CEP290: variants seen among roughly 807,000 people sequenced by gnomAD.
The protein encoded by CEP290 is centrosomal protein of 290 kDa.
A neutral mutation model predicts 344.9 loss-of-function variants in CEP290; 317 were observed. The observed-to-expected ratio is 0.92, with a 90% CI of 0.84 to 1.01. CEP290 has a LOEUF of 1.01. Among genes scored for constraint, CEP290 ranks in the 50% least tolerant of loss-of-function variants. The probability of loss-of-function intolerance (pLI) is 0.00; values close to 1 mark genes in which losing one functional copy is unlikely to be tolerated. For synonymous variants in CEP290, 932 were observed against 895.8 expected, an observed-to-expected ratio of 1.04 and a Z score of -0.72; for missense variants, 2,754 against 2,761.4, an observed-to-expected ratio of 1.00 and a Z score of 0.06.
intron 17 of CEP290, among the ~76,000 whole-genome samples, chr12:88,117,521 A>G (rs1302395512): frequency 2.0e-5 from 3 of 152,206 alleles, no homozygotes; most frequent in Non-Finnish European, 4.4e-5. Context: ...GATGTATTAT[A>G]GAAATCATAA....
rs1410113515 is a variant in CEP290 at position 88,121,067 on chromosome 12, G to T, written c.1289C>A (p.Ala430Asp). 1 of 1,613,464 alleles carries T rather than the reference G, an allele frequency of 6.2e-7. No homozygotes were observed. The highest frequency in any genetic ancestry group is 8.5e-7 in the Non-Finnish European group (1 of 1,179,674). ...TKEAERTAELAEADAREKDKE... is the reference protein window; with the variant it reads ...TKEAERTAELDEADAREKDKE... ...ATCCTTTTCCCTAGCATCAGCCTCA[G>T]CCAGTTCAGCTGTTCTCTCAGCCTC... The change falls in exon 14 of 54, where the codon GCT becomes GAT. Residue 430 changes from alanine (A) to aspartate (D), a missense_variant. Ala to Asp is a moderately radical substitution (Grantham distance 126, BLOSUM62 -2). Coordinates refer to ENST00000552810, the MANE Select transcript of CEP290 (RefSeq NM_025114.4).
At position 88,129,047 on chromosome 12, in the gene CEP290, A is replaced by T; in HGVS notation, c.853-12T>A. The stretch of plus-strand genomic sequence containing the variant: ...GTAAGCTCCTGCACCTAAAAGACAA[A>T]GTTATTTCAAGAGTTGTTGCAAACT... On this transcript the variant is annotated splice_polypyrimidine_tract_variant and intron_variant, in intron 10 of 53. Coordinates refer to ENST00000552810, the MANE Select transcript of CEP290 (RefSeq NM_025114.4). The T allele has an allele frequency of 1.3e-6, 1 of 785,832 alleles. No individual in the cohort carries two copies. 48.7% of individuals were successfully genotyped at this position (785,832 alleles called of 1,614,324 possible).
chr12:88,127,116 A>C (rs1418548239), intron 11 of CEP290, among the ~76,000 whole-genome samples: 1 of 152,286 alleles, frequency 6.6e-6, no homozygotes, highest in Non-Finnish European at 1.5e-5. Context: ...AATCAATAAA[A>C]GATGTTTGGA....
chr12:88,113,325 T>A (rs1413887744), intron 20 of CEP290, among the ~76,000 whole-genome samples: 1 of 151,928 alleles, frequency 6.6e-6, no homozygotes, highest in African/African-American at 2.4e-5. Context: ...AAAAAAAGCA[T>A]AAAGAATCAT....
intron 28 of CEP290, 112 bp from the exon 29 acceptor site, chr12:88,092,944 T>A: frequency 1.1e-6 from 1 of 941,452 alleles, no homozygotes; most frequent in Non-Finnish European, 1.6e-6. Context: ...AGTTCACATA[T>A]TATATTAAGT....
intron 29 of CEP290, among the ~76,000 whole-genome samples, chr12:88,092,005 C>G (rs535801885): frequency 6.6e-6 from 1 of 152,022 alleles, no homozygotes; most frequent in Non-Finnish European, 1.5e-5. Flanking sequence ...CTCCACCTCC[C>G]GGGATCAAGC....
chr12:88,070,799 C>A (rs1765040669), intron 43 of CEP290, among the ~76,000 whole-genome samples: 1 of 151,994 alleles, frequency 6.6e-6, no homozygotes, highest in Non-Finnish European at 1.5e-5. Context: ...AAGAAAGGGA[C>A]CCTATAAAGT....
In CEP290 at chr12:88,087,857, TTA is replaced by T. The variant is rs62640582; in HGVS notation, c.4115_4116del (p.Ile1372LysfsTer5). 9 of 1,265,650 alleles carry T rather than the reference TTA, an allele frequency of 7.1e-6. No homozygotes were observed. Among genetic ancestry groups the T allele is most frequent in the Non-Finnish European group, 9.1e-6 (9 of 985,150 alleles). The allele number at this position is 1,265,650 out of a possible 1,614,324, so 78.4% of individuals were successfully genotyped here. A position where few individuals can be genotyped will look rare whatever the true frequency, so the allele number is the denominator to read the frequency against. ...NRELVKDKEE[I>X]KYLNNIISEY... ...TCAGAAATTATGTTATTCAAATATT[TTA>T]TTTCTTCTTTATCCTTGACTAATTC... On this transcript the variant is annotated frameshift_variant, in exon 32 of 54. Coordinates refer to ENST00000552810, the MANE Select transcript of CEP290 (RefSeq NM_025114.4). LOFTEE classifies it high-confidence loss of function.
Position 88,089,094 on chromosome 12 carries a change from A to G in CEP290, c.3967T>C (p.Leu1323=), listed in dbSNP as rs1433273506. 6.5e-7 allele frequency: 1 copy of G among 1,545,820 alleles called. No homozygotes were observed. Among genetic ancestry groups the G allele is most frequent in the Admixed American group, 2.1e-5 (1 of 48,654 alleles). ...AACTCTTCCAGGCCCTTTAATTTTA[A>G]TTCCATCTCCAATGTTTTGTTCTCC... ...NMENKTLEME[L]KLKGLEELIS... is the part of the protein sequence containing the mutation. Residue 1323 remains leucine, a synonymous_variant, in exon 31 of 54, where the codon TTA becomes CTA. Transcript: ENST00000552810.
chr12:88,095,518 G>T (rs1008018757), intron 27 of CEP290, among the ~76,000 whole-genome samples: 30 of 152,126 alleles, frequency 2.0e-4, no homozygotes, highest in Non-Finnish European at 3.4e-4. Context: ...AAAATTGTAC[G>T]TAATACTCTC....
rs1233652317 is a variant in CEP290 at position 88,096,897 on chromosome 12, T to C, written c.3094A>G (p.Thr1032Ala). 6.5e-7 allele frequency: 1 copy of C among 1,530,904 alleles called. No individual in the cohort carries two copies. The highest frequency in any genetic ancestry group is 8.9e-7 in the Non-Finnish European group (1 of 1,125,450). 94.8% of individuals were successfully genotyped at this position (1,530,904 alleles called of 1,614,324 possible). ...GAGTCATAAAACTTACCTAATTTAGTTTCCTGTTCCCAGGCTTGTTCAATA... is the reference window on the plus strand; with the variant it reads ...GAGTCATAAAACTTACCTAATTTAGCTTCCTGTTCCCAGGCTTGTTCAATA... Reference protein sequence around the residue: ...HTIEQAWEQETKLGNESSMDK... With the variant: ...HTIEQAWEQEAKLGNESSMDK... Residue 1032 changes from threonine to alanine, a missense_variant, in exon 27 of 54, where the codon ACT (threonine) becomes GCT (alanine). Physicochemically the swap from Thr to Ala is moderately conservative, Grantham distance 58. Transcript: ENST00000552810.
At chr12:88,079,561 T>A (rs2036036864) in intron 38 of CEP290, among the ~76,000 whole-genome samples, 1 of 152,122 alleles carries the variant, frequency 6.6e-6, no homozygotes, top group Non-Finnish European at 1.5e-5. Context: ...ACTTACTACA[T>A]CCTTCCATAT....
At chr12:88,124,844 T>C (rs1419714063) in intron 13 of CEP290, among the ~76,000 whole-genome samples, 3 of 152,064 alleles carry the variant, frequency 2.0e-5, no homozygotes, top group East Asian at 1.9e-4. Context: ...GAGAATATGA[T>C]GAAACATTAA....
intron 50 of CEP290, among the ~76,000 whole-genome samples, chr12:88,054,802 A>G (rs2033867501): frequency 6.6e-6 from 1 of 152,146 alleles, no homozygotes; most frequent in Non-Finnish European, 1.5e-5. Context: ...GGTTAGGGTT[A>G]GGGTTAGGGA....
Position 88,090,739 on chromosome 12 carries a change from G to C in CEP290, c.3562C>G (p.Leu1188Val). 6.4e-7 allele frequency: 1 copy of C among 1,550,478 alleles called. No homozygotes were observed. Among genetic ancestry groups the C allele is most frequent in the African/African-American group, 1.4e-5 (1 of 73,760 alleles). Reference protein sequence around the residue: ...KEVESLRMQLLDYQAQSDEKS... With the variant: ...KEVESLRMQLVDYQAQSDEKS... ...AATACTGCACATACCTGATAGTCTA[G>C]CAGTTGCATTCTGAGGGACTCTACT... is the stretch of plus-strand genomic sequence containing the variant. Residue 1188 changes from leucine to valine, a missense_variant, in exon 30 of 54, where the codon CTA becomes GTA. By Grantham distance (32) the Leu-to-Val change is conservative (BLOSUM62 1). Coordinates refer to ENST00000552810, the MANE Select transcript of CEP290 (RefSeq NM_025114.4).
intron 50 of CEP290, 119 bp from the exon 51 acceptor site, chr12:88,054,532 G>A: frequency 2.8e-6 from 2 of 724,768 alleles, no homozygotes; most frequent in Non-Finnish European, 4.6e-6. Context: ...GCACGCATAG[G>A]CAAATTTCTA....
intron 3 of CEP290, among the ~76,000 whole-genome samples, chr12:88,139,877 T>C (rs538483675): frequency 1.3e-5 from 2 of 151,988 alleles, no homozygotes; most frequent in African/African-American, 4.8e-5. Context: ...TACAGGTGCA[T>C]GCCATCATGC....
chr12:88,086,249 A>C (rs2036563850), intron 33 of CEP290, 76 bp from the exon 34 acceptor site: 1 of 1,546,918 alleles, frequency 6.5e-7, no homozygotes, highest in African/African-American at 1.4e-5. Flanking sequence ...CAGCTGTATG[A>C]TAAAACATAG....
chr12:88,099,421 C>T (rs2037704378), intron 26 of CEP290, among the ~76,000 whole-genome samples: 1 of 152,072 alleles, frequency 6.6e-6, no homozygotes, highest in African/African-American at 2.4e-5. Flanking sequence ...AGGAAAAAGG[C>T]TGGCGATATA....
Sources: allele counts gnomAD v4.1 joint callset (sites outside exome capture counted in the v4.1 genomes callset), GRCh38; gene constraint gnomAD v4.1.1; transcripts MANE v1.5; gene names NCBI Gene and HGNC (gene_info 2026-07-23, HGNC 2026-07-21).